The following BPIFA3 variants were observed in gnomAD, a reference collection of about 807,000 sequenced individuals.
The protein encoded by BPIFA3 is BPI fold containing family A member 3.
In BPIFA3, 32 loss-of-function variants were observed where a neutral mutation model predicts 29.7. The ratio of observed to expected loss-of-function variants is 1.08; its 90% CI spans 0.81 to 1.45. BPIFA3 has a LOEUF of 1.45. BPIFA3 is among the 40% of genes most tolerant of loss of function. BPIFA3 has a pLI of 0.00. For missense variants in BPIFA3, 323 were observed against 311.3 expected (o/e 1.04, Z -0.28); for synonymous variants, 112 against 113.7 (o/e 0.98, Z 0.10).
rs182906955 is a variant in BPIFA3 at position 33,219,311 on chromosome 20, C to A, written c.127+1648C>A. On this transcript the variant is annotated intron_variant, in intron 1 of 6. Transcript: ENST00000375454. The stretch of plus-strand genomic sequence containing the variant: ...TGACTTGAAGAGACATTACTTAATT[C>A]TTGACATTAGCCCTTTGTCAGATTT... 1.0e-3 allele frequency among the ~76,000 whole-genome samples: 152 copies of A among 152,162 alleles called. 1 individual carries two copies. The highest frequency in any genetic ancestry group is 3.5e-3 in the African/African-American group (145 of 41,524).
intron 1 of BPIFA3, among the ~76,000 whole-genome samples, chr20:33,221,143 T>C (rs1467281939): frequency 1.4e-5 from 2 of 145,232 alleles, no homozygotes; most frequent in Non-Finnish European, 2.9e-5. Context: ...TATGATGTAC[T>C]GTTAGATTTT....
chr20:33,227,003 T>C lies in BPIFA3; in HGVS notation c.685+10T>C. 6.2e-7 allele frequency: 1 copy of C among 1,611,838 alleles called. No individual in the cohort carries two copies. Among genetic ancestry groups the C allele is most frequent in the African/African-American group, 1.3e-5 (1 of 75,000 alleles). On this transcript the variant is annotated intron_variant, in intron 6 of 6. Transcript: ENST00000375454. The stretch of plus-strand genomic sequence containing the variant: ...TTGAAAAGCCTCATAGGTGAGTGTC[T>C]GGTCCATCCAGTGAGGACTTCTTAG...
intron 1 of BPIFA3, 173 bp from the exon 2 acceptor site, chr20:33,223,638 G>A: frequency 1.5e-6 from 1 of 682,822 alleles, no homozygotes; most frequent in Non-Finnish European, 2.4e-6. Context: ...CATCAATCTT[G>A]CAAAGCATAA....
At chr20:33,224,524 T>A (rs1030004162) in intron 3 of BPIFA3, 62 bp downstream of exon 3, 2 of 1,365,116 alleles carry the variant, frequency 1.5e-6, no homozygotes, top group African/African-American at 2.9e-5. Flanking sequence ...ACCTGGGAAA[T>A]TCAGATCTTT....
chr20:33,218,589 C>T (rs1002831606), intron 1 of BPIFA3, among the ~76,000 whole-genome samples: 1 of 152,176 alleles, frequency 6.6e-6, no homozygotes, highest in Admixed American at 6.5e-5. Flanking sequence ...TGCAGACGGA[C>T]ACCTTCTCGA....
chr20:33,217,624 G>GCCTGA lies in BPIFA3; in HGVS notation c.90_91insTGACC (p.Gln31Ter). On this transcript the variant is annotated stop_gained and frameshift_variant, in exon 1 of 7. Coordinates refer to ENST00000375454, the MANE Select transcript of BPIFA3 (RefSeq NM_178466.5). LOFTEE classifies it high-confidence loss of function. ...ACACAAGCAGCCTTGGCCTGGCCTG[G>GCCTGA]CCCAAGCCCACAGAGACAACAAATC... is the stretch of plus-strand genomic sequence containing the variant. 6.2e-7 allele frequency: 1 copy of GCCTGA among 1,614,000 alleles called. No individual in the cohort carries two copies. Among genetic ancestry groups the GCCTGA allele is most frequent in the Non-Finnish European group, 8.5e-7 (1 of 1,179,976 alleles).
Position 33,225,175 on chromosome 20 carries a change from T to A in BPIFA3, c.464T>A (p.Phe155Tyr). 1 of 1,614,126 alleles carries A rather than the reference T, an allele frequency of 6.2e-7. No individual in the cohort carries two copies. The highest frequency in any genetic ancestry group is 8.5e-7 in the Non-Finnish European group (1 of 1,180,018). ...VVEFWLEKDE[F>Y]GRRDLVIGKC... ...GAGTTCTGGCTGGAGAAAGACGAGTTTGGCCGGAGGGATCTGGTGATAGGC... is the reference window on the plus strand; with the variant it reads ...GAGTTCTGGCTGGAGAAAGACGAGTATGGCCGGAGGGATCTGGTGATAGGC... The change falls in exon 4 of 7, where the codon TTT becomes TAT. Residue 155 changes from phenylalanine (F) to tyrosine (Y), a missense_variant. Transcript: ENST00000375454.
intron 1 of BPIFA3, among the ~76,000 whole-genome samples, chr20:33,222,023 C>T (rs1985535821): frequency 6.6e-6 from 1 of 152,100 alleles, no homozygotes; most frequent in South Asian, 2.1e-4. Flanking sequence ...GGCCTGATCT[C>T]AGGTAGGGTC....
Position 33,223,942 on chromosome 20 carries a change from C to A in BPIFA3, c.259C>A (p.Gln87Lys). 2 of 1,614,096 alleles carry A rather than the reference C, an allele frequency of 1.2e-6. No individual in the cohort carries two copies. The highest frequency in any genetic ancestry group is 1.7e-4 in the Middle Eastern group (1 of 6,012). Reference sequence around the variant, plus strand: ...CTGGCTAATCAGCGGCAGGAAACACCAGCAGCAGCAAGAGAGCAGGTGAGA... The same window carrying A: ...CTGGCTAATCAGCGGCAGGAAACACAAGCAGCAGCAAGAGAGCAGGTGAGA... ...VGWLISGRKH[Q>K]QQQESSINIT... The change falls in exon 2 of 7, where the codon CAG becomes AAG. Residue 87 changes from glutamine to lysine, a missense_variant. Physicochemically the swap from Gln to Lys is moderately conservative, Grantham distance 53 (BLOSUM62 1). Transcript: ENST00000375454.
At chr20:33,222,098 C>T (rs181262372) in intron 1 of BPIFA3, among the ~76,000 whole-genome samples, 13 of 152,288 alleles carry the variant, frequency 8.5e-5, no homozygotes, top group Non-Finnish European at 1.5e-4. Flanking sequence ...CCCAACTCAA[C>T]CTGGCTTACA....
rs1315162773 is a variant in BPIFA3 at position 33,217,594 on chromosome 20, G to A, written c.58G>A (p.Ala20Thr). ...CCTCGGGTTGCTGGCCTTGCCCTTGGCACCACACAAGCAGCCTTGGCCTGG... is the reference window on the plus strand; with the variant it reads ...CCTCGGGTTGCTGGCCTTGCCCTTGACACCACACAAGCAGCCTTGGCCTGG... ...IFLGLLALPL[A>T]PHKQPWPGLA... The change falls in exon 1 of 7, where the codon GCA becomes ACA. Residue 20 changes from alanine (A) to threonine (T), a missense_variant. Coordinates refer to ENST00000375454, the MANE Select transcript of BPIFA3 (RefSeq NM_178466.5). The A allele has an allele frequency of 6.2e-7, 1 of 1,613,992 alleles. No individual in the cohort carries two copies. Among genetic ancestry groups the A allele is most frequent in the Non-Finnish European group, 8.5e-7 (1 of 1,180,020 alleles).
At chr20:33,226,608 C>T (rs992313578) in intron 5 of BPIFA3, 118 bp downstream of exon 5, 1 of 790,846 alleles carries the variant, frequency 1.3e-6, no homozygotes. Context: ...TGAAAAATCT[C>T]AATTTAAAAT....
chr20:33,225,281 C>T (rs746114654), intron 4 of BPIFA3, 34 bp downstream of exon 4: 2 of 1,611,710 alleles, frequency 1.2e-6, no homozygotes, highest in East Asian at 2.2e-5. Context: ...CAGAGCTGGG[C>T]CTCCTTCCTG....
chr20:33,224,064 G>T, intron 2 of BPIFA3, 103 bp downstream of exon 2: 1 of 1,402,722 alleles, frequency 7.1e-7, no homozygotes, highest in East Asian at 2.3e-5. Flanking sequence ...CCTGTGAAGA[G>T]GGAAGGTAGG....
At chr20:33,224,089 A>G in intron 2 of BPIFA3, 128 bp downstream of exon 2, 1 of 1,240,936 alleles carries the variant, frequency 8.1e-7, no homozygotes, top group Non-Finnish European at 1.1e-6. Context: ...TTGAAAGAAG[A>G]GAAGGTGGAA....
chr20:33,226,295 G>A lies in BPIFA3; in HGVS notation c.537-111G>A, dbSNP rs1570032. 14,172 of 777,314 alleles carry A rather than the reference G, an allele frequency of 0.018. 1,500 individuals carry two copies. The African/African-American group carries it at 0.22, about 12-fold the overall frequency. The allele number at this position is 777,314 out of a possible 1,614,324, so 48.2% of individuals were successfully genotyped here. A position where few individuals can be genotyped will look rare whatever the true frequency, so the allele number is the denominator to read the frequency against. On this transcript the variant is annotated intron_variant, in intron 4 of 6. Transcript: ENST00000375454. ...CACTGACAATGATACTTCTGGCATG[G>A]GGCTGAGTGAGGACTAAAAGACTGT...
At chr20:33,221,169 A>C (rs2146483619) in intron 1 of BPIFA3, among the ~76,000 whole-genome samples, 3 of 140,094 alleles carry the variant, frequency 2.1e-5, no homozygotes, top group African/African-American at 8.2e-5. Context: ...TTTTTTTTTC[A>C]AATGGAGTCT....
At position 33,225,197 on chromosome 20, in the gene BPIFA3, AG is replaced by A. The variant is rs1297692442; in HGVS notation, c.488del (p.Gly163AlafsTer23). 6.2e-7 allele frequency: 1 copy of A among 1,614,146 alleles called. No homozygotes were observed. Among genetic ancestry groups the A allele is most frequent in the South Asian group, 1.1e-5 (1 of 91,072 alleles). ...DEFGRRDLVI[G>X]KCDAEPSSVH... ...AGTTTGGCCGGAGGGATCTGGTGAT[AG>A]GCAAATGCGATGCAGAGCCCAGCAG... On this transcript the variant is annotated frameshift_variant, in exon 4 of 7. Coordinates refer to ENST00000375454, the MANE Select transcript of BPIFA3 (RefSeq NM_178466.5). LOFTEE classifies it high-confidence loss of function.
At chr20:33,225,873 A>T (rs1985756520) in intron 4 of BPIFA3, 1 of 160,954 alleles carries the variant, frequency 6.2e-6, no homozygotes, top group Non-Finnish European at 1.3e-5. Context: ...TCACTCATTC[A>T]TTCATATATT....
Sources: allele counts gnomAD v4.1 joint callset (sites outside exome capture counted in the v4.1 genomes callset), GRCh38; gene constraint gnomAD v4.1.1; transcripts MANE v1.5; gene names NCBI Gene and HGNC (gene_info 2026-07-23, HGNC 2026-07-21).